The following GRIK2 variants were observed in gnomAD, a reference collection of about 807,000 sequenced individuals.
GRIK2 encodes glutamate ionotropic receptor kainate type subunit 2.
A neutral mutation model predicts 100.3 loss-of-function variants in GRIK2; 32 were observed. The ratio of observed to expected loss-of-function variants is 0.32; its 90% CI spans 0.24 to 0.43. The LOEUF (loss-of-function observed/expected upper bound fraction) is 0.43, where lower values mean the gene tolerates loss of function less well. Among genes scored for constraint, GRIK2 ranks in the 20% least tolerant of loss-of-function variants. The pLI is 1.00. For missense variants in GRIK2, 843 were observed against 1,114.9 expected (o/e 0.76, Z 3.47); for synonymous variants, 417 against 389.4 (o/e 1.07, Z -0.83).
chr6:101,930,331 C>T (rs553175667), intron 14 of GRIK2, among the ~76,000 whole-genome samples: 11 of 130,116 alleles, frequency 8.5e-5, no homozygotes, highest in Non-Finnish European at 1.4e-4. Flanking sequence ...AACTGGAGTG[C>T]AATCCTGTCT....
chr6:101,733,708 C>CTT lies in GRIK2; in HGVS notation c.951+47378_951+47379dup, dbSNP rs34438783. On this transcript the variant is annotated intron_variant, in intron 7 of 16. Coordinates refer to ENST00000369134, the MANE Select transcript of GRIK2 (RefSeq NM_021956.5). Reference sequence around the variant, plus strand: ...CAAATTCCTGATTTAATTCCTCTTTCTTTTTTTTTTTTTTTTTTTTTTTTG... The same window carrying CTT: ...CAAATTCCTGATTTAATTCCTCTTTCTTTTTTTTTTTTTTTTTTTTTTTTTTG... Among the ~76,000 whole-genome samples the CTT allele has an allele frequency of 5.2e-3, 438 of 83,896 alleles. 1 individual carries two copies. The highest frequency in any genetic ancestry group is 5.8e-3 in the African/African-American group (140 of 24,180). 55.0% of individuals were successfully genotyped at this position (83,896 alleles called of 152,430 possible). A position where few individuals can be genotyped will look rare whatever the true frequency, so the allele number is the denominator to read the frequency against.
chr6:101,739,799 C>T (rs2128376762), intron 7 of GRIK2, among the ~76,000 whole-genome samples: 1 of 152,250 alleles, frequency 6.6e-6, no homozygotes, highest in South Asian at 2.1e-4. Flanking sequence ...AATCTCCCTC[C>T]AGTTTGCCAG....
intron 7 of GRIK2, among the ~76,000 whole-genome samples, chr6:101,734,632 A>T (rs1349953693): frequency 6.6e-6 from 1 of 151,962 alleles, no homozygotes; most frequent in Non-Finnish European, 1.5e-5. Flanking sequence ...GGGAGCCTAG[A>T]GGTAAAGACC....
intron 2 of GRIK2, among the ~76,000 whole-genome samples, chr6:101,594,458 G>A (rs1036267454): frequency 6.6e-6 from 1 of 151,778 alleles, no homozygotes; most frequent in African/African-American, 2.4e-5. Context: ...CACACAAAAA[G>A]CATAGTTTTT....
intron 4 of GRIK2, among the ~76,000 whole-genome samples, chr6:101,661,364 G>T (rs1413554593): frequency 1.3e-5 from 2 of 152,010 alleles, no homozygotes; most frequent in African/African-American, 4.8e-5. Flanking sequence ...TCAGATGGCT[G>T]TGCTAGCAGC....
chr6:101,633,387 T>C (rs116809152), intron 4 of GRIK2, among the ~76,000 whole-genome samples: 364 of 152,136 alleles, frequency 2.4e-3, no homozygotes, highest in African/African-American at 8.2e-3. Flanking sequence ...TGTCGTGTAG[T>C]TTTTAGCAAG....
intron 2 of GRIK2, among the ~76,000 whole-genome samples, chr6:101,503,822 C>A (rs1480409742): frequency 1.3e-5 from 2 of 151,998 alleles, no homozygotes; most frequent in African/African-American, 2.4e-5. Context: ...AACTCTATGC[C>A]TTCTTCCATG....
intron 7 of GRIK2, among the ~76,000 whole-genome samples, chr6:101,749,236 G>A (rs533576601): frequency 6.6e-6 from 1 of 152,192 alleles, no homozygotes; most frequent in East Asian, 1.9e-4. Context: ...AGCCTCCCGA[G>A]TAACTGGGAT....
chr6:101,963,278 A>ATTTTTTTTTTTTTTTTTTTTTTTTT (rs3029099), intron 14 of GRIK2, among the ~76,000 whole-genome samples: 2 of 27,844 alleles, frequency 7.2e-5, no homozygotes, highest in African/African-American at 1.2e-4. Flanking sequence ...CTTATTTAGG[A>ATTTTTTTTTTTTTTTTTTTTTTTTT]TTTTTTTTTT....
At chr6:101,912,848 A>G (rs1788840595) in intron 12 of GRIK2, among the ~76,000 whole-genome samples, 1 of 151,578 alleles carries the variant, frequency 6.6e-6, no homozygotes, top group Non-Finnish European at 1.5e-5. Flanking sequence ...TTTAGATCCC[A>G]CCACTCATTC....
chr6:101,770,615 T>C (rs1778339169), intron 7 of GRIK2, among the ~76,000 whole-genome samples: 1 of 152,224 alleles, frequency 6.6e-6, no homozygotes, highest in African/African-American at 2.4e-5. Context: ...GATGTCAGTC[T>C]ATTGACCTAC....
chr6:101,423,103 AC>A (rs1292537529), intron 2 of GRIK2, among the ~76,000 whole-genome samples: 2 of 152,266 alleles, frequency 1.3e-5, no homozygotes, highest in East Asian at 3.9e-4. Context: ...ATATAGAGAC[AC>A]CGGTCTTTGT....
chr6:102,031,818 G>C (rs576141500), intron 14 of GRIK2, among the ~76,000 whole-genome samples: 28 of 151,342 alleles, frequency 1.9e-4, no homozygotes, highest in African/African-American at 5.8e-4. Context: ...TTTTATGACT[G>C]TGTAGTATTC....
At chr6:101,800,731 A>G (rs189676722) in intron 8 of GRIK2, among the ~76,000 whole-genome samples, 2 of 152,198 alleles carry the variant, frequency 1.3e-5, no homozygotes, top group African/African-American at 4.8e-5. Flanking sequence ...TAGTTGCCCC[A>G]TATTCTAACA....
chr6:101,912,221 A>T (rs1410688222), intron 12 of GRIK2, among the ~76,000 whole-genome samples: 2 of 151,412 alleles, frequency 1.3e-5, no homozygotes, highest in Admixed American at 6.6e-5. Flanking sequence ...TTGCACAGAC[A>T]TCCTAAAACA....
At chr6:101,953,786 T>A (rs1040451589) in intron 14 of GRIK2, among the ~76,000 whole-genome samples, 4 of 152,182 alleles carry the variant, frequency 2.6e-5, no homozygotes, top group African/African-American at 9.6e-5. Context: ...TTATTTATTG[T>A]TTGGATCCTT....
intron 14 of GRIK2, among the ~76,000 whole-genome samples, chr6:101,972,017 T>A (rs1487422914): frequency 6.6e-6 from 1 of 152,024 alleles, no homozygotes; most frequent in Non-Finnish European, 1.5e-5. Context: ...CTGTGTTGAT[T>A]CTATGTCTTT....
At chr6:101,975,237 G>A (rs1433385349) in intron 14 of GRIK2, among the ~76,000 whole-genome samples, 2 of 151,818 alleles carry the variant, frequency 1.3e-5, no homozygotes, top group Non-Finnish European at 2.9e-5. Flanking sequence ...ATAAGAATAT[G>A]GGCCTAGAGA....
chr6:101,742,466 A>T (rs190187875), intron 7 of GRIK2, among the ~76,000 whole-genome samples: 25 of 152,318 alleles, frequency 1.6e-4, no homozygotes, highest in Middle Eastern at 6.8e-3. Context: ...ACTGTGGCCC[A>T]TGACACAGCC....
Sources: allele counts gnomAD v4.1 joint callset (sites outside exome capture counted in the v4.1 genomes callset), GRCh38; gene constraint gnomAD v4.1.1; transcripts MANE v1.5; gene names NCBI Gene and HGNC (gene_info 2026-07-23, HGNC 2026-07-21).